MCOLN3: variants seen among roughly 807,000 people sequenced by gnomAD.
MCOLN3 encodes mucolipin TRP cation channel 3, also known as mucolipin-3.
Under a neutral mutation model 69.4 loss-of-function variants are expected in MCOLN3, and 62 were observed. The ratio of observed to expected loss-of-function variants is 0.89; its 90% CI spans 0.73 to 1.10. The LOEUF (loss-of-function observed/expected upper bound fraction) is 1.10. MCOLN3 is among the 50% of genes least tolerant of loss of function. MCOLN3 has a pLI of 0.00. For synonymous variants in MCOLN3, 183 were observed against 217.0 expected, an observed-to-expected ratio of 0.84 and a Z score of 1.38; for missense variants, 564 against 656.4, an observed-to-expected ratio of 0.86 and a Z score of 1.54.
chr1:85,042,857 A>G (rs951771497), intron 2 of MCOLN3, among the ~76,000 whole-genome samples: 2 of 152,234 alleles, frequency 1.3e-5, no homozygotes, highest in Non-Finnish European at 2.9e-5. Flanking sequence ...CATTTGCTCA[A>G]TTACAAAGCT....
chr1:85,045,980 C>CT (rs1653326547), intron 1 of MCOLN3, among the ~76,000 whole-genome samples: 1 of 152,194 alleles, frequency 6.6e-6, no homozygotes, highest in African/African-American at 2.4e-5. Context: ...ATGGGAATAA[C>CT]TACACCTACC....
intron 12 of MCOLN3, among the ~76,000 whole-genome samples, chr1:85,020,332 A>G (rs1651863593): frequency 6.6e-6 from 1 of 152,178 alleles, no homozygotes; most frequent in South Asian, 2.1e-4. Context: ...GGCCAATCAC[A>G]TGGCTTCATG....
chr1:85,023,638 C>G (rs917138528), intron 9 of MCOLN3: 1 of 152,002 alleles, frequency 6.6e-6, no homozygotes, highest in Admixed American at 6.6e-5. Flanking sequence ...GGTGGATATG[C>G]GAATCTGGAG....
In MCOLN3 at chr1:85,045,261, A is replaced by G. The variant is rs1653288352; in HGVS notation, c.100T>C (p.Leu34=). ...QQTSPSEELL[L]EDQMRRKLKF... ...AGTTTTCGCCTCATCTGGTCTTCTA[A>G]TAGAAGCTCCTCAGATGGAGATGTT... The change falls in exon 2 of 13, where the codon TTA becomes CTA. Residue 34 remains leucine (L), a synonymous_variant. Transcript: ENST00000370589. 6.2e-7 allele frequency: 1 copy of G among 1,614,168 alleles called. No homozygotes were observed. Among genetic ancestry groups the G allele is most frequent in the Non-Finnish European group, 8.5e-7 (1 of 1,180,014 alleles).
chr1:85,048,136 C>A (rs1653475564), intron 1 of MCOLN3, among the ~76,000 whole-genome samples: 1 of 152,190 alleles, frequency 6.6e-6, no homozygotes, highest in South Asian at 2.1e-4. Flanking sequence ...GAGCAGAGCA[C>A]CCCCACCCGC....
At position 85,022,170 on chromosome 1, in the gene MCOLN3, G is replaced by A. The variant is rs891076328; in HGVS notation, c.1220C>T (p.Ala407Val). Residue 407 changes from alanine (A) to valine (V), a missense_variant, in exon 11 of 13, where the codon GCA (alanine) becomes GTA (valine). Ala to Val is a moderately conservative substitution (Grantham distance 64). Transcript: ENST00000370589. ...KYNLLILTLQ[A>V]ALPNVIRFCC... ...GAACCTGATGACATTGGGCAGCGCT[G>A]CCTGAAGGGTCAAAATGAGGAGCTG... 7 of 1,613,996 alleles carry A rather than the reference G, an allele frequency of 4.3e-6. No homozygotes were observed. The highest frequency in any genetic ancestry group is 3.3e-5 in the Admixed American group (2 of 59,984).
chr1:85,032,635 A>T (rs17371429), intron 6 of MCOLN3, 61 bp downstream of exon 6: 17,794 of 1,199,888 alleles, frequency 0.015, 278 homozygotes, highest in Middle Eastern at 0.06. Flanking sequence ...GATATGAAAC[A>T]TTACCAGATA....
In MCOLN3 at chr1:85,026,189, C is replaced by G; in HGVS notation, c.928G>C (p.Gly310Arg). 1 of 1,614,056 alleles carries G rather than the reference C, an allele frequency of 6.2e-7. No homozygotes were observed. The highest frequency in any genetic ancestry group is 8.5e-7 in the Non-Finnish European group (1 of 1,179,962). The change falls in exon 8 of 13, where the codon GGA (glycine) becomes CGA (arginine). Residue 310 changes from glycine (G) to arginine (R), a missense_variant. By Grantham distance (125) the Gly-to-Arg change is moderately radical (BLOSUM62 -2). Coordinates refer to ENST00000370589, the MANE Select transcript of MCOLN3 (RefSeq NM_018298.11). Reference protein sequence around the residue: ...LILCIRSVIRGLQLQQEFVNF... With the variant: ...LILCIRSVIRRLQLQQEFVNF... ...TTCCCTACCTGCTGAAGCTGAAGTCCTCTAATCACAGATCTAATGCAGAGG... is the reference window on the plus strand; with the variant it reads ...TTCCCTACCTGCTGAAGCTGAAGTCGTCTAATCACAGATCTAATGCAGAGG...
At chr1:85,021,043 A>G (rs762175773) in intron 12 of MCOLN3, 27 bp downstream of exon 12, 4 of 1,537,688 alleles carry the variant, frequency 2.6e-6, no homozygotes, top group Admixed American at 1.7e-5. Context: ...GGACAATGCT[A>G]CTACTTATGG....
chr1:85,046,240 C>T (rs1029296695), intron 1 of MCOLN3, among the ~76,000 whole-genome samples: 13 of 151,232 alleles, frequency 8.6e-5, no homozygotes, highest in African/African-American at 2.4e-4. Context: ...TGTGGCATCG[C>T]TTGTAATGAC....
At chr1:85,047,765 AAAC>A (rs1187913792) in intron 1 of MCOLN3, among the ~76,000 whole-genome samples, 1 of 152,312 alleles carries the variant, frequency 6.6e-6, no homozygotes, top group Non-Finnish European at 1.5e-5. Flanking sequence ...TCAAACAAAC[AAAC>A]AACAAGGGTT....
chr1:85,046,719 A>G (rs1473573339), intron 1 of MCOLN3, among the ~76,000 whole-genome samples: 1 of 152,234 alleles, frequency 6.6e-6, no homozygotes, highest in Admixed American at 6.5e-5. Flanking sequence ...GGCTATAAAG[A>G]ATAGCATGGG....
At chr1:85,025,774 G>T (rs1652183243) in intron 9 of MCOLN3, 165 bp downstream of exon 9, 2 of 662,506 alleles carry the variant, frequency 3.0e-6, no homozygotes, top group African/African-American at 3.7e-5. Context: ...CTGCCTAAGA[G>T]ACCTCCTGAC....
chr1:85,042,126 A>T (rs537040422), intron 2 of MCOLN3, among the ~76,000 whole-genome samples: 3 of 152,194 alleles, frequency 2.0e-5, no homozygotes, highest in Non-Finnish European at 2.9e-5. Context: ...TGTGCCATAC[A>T]CTATTCCAGG....
chr1:85,025,950 T>C lies in MCOLN3; in HGVS notation c.1084A>G (p.Ile362Val). ...TIIGSILKME[I>V]QAKSLTSYDV... ...AGGAAAAAAATTACCTTAGCTTGGA[T>C]TTCCATTTTTAGAATTGATCCAATG... The change falls in exon 9 of 13, where the codon ATC becomes GTC. Residue 362 changes from isoleucine to valine, a missense_variant. By Grantham distance (29) the Ile-to-Val change is conservative (BLOSUM62 3). Transcript: ENST00000370589. The C allele has an allele frequency of 6.3e-7, 1 of 1,597,486 alleles. No homozygotes were observed. Among genetic ancestry groups the C allele is most frequent in the Non-Finnish European group, 8.5e-7 (1 of 1,171,562 alleles).
At chr1:85,024,182 G>A (rs1404762715) in intron 9 of MCOLN3, among the ~76,000 whole-genome samples, 1 of 151,924 alleles carries the variant, frequency 6.6e-6, no homozygotes, top group African/African-American at 2.4e-5. Context: ...GTGGGGGAGG[G>A]GAGGAGCAGA....
rs886657208 is a variant in MCOLN3 at position 85,020,937 on chromosome 1, A to C, written c.1527+133T>G. On this transcript the variant is annotated intron_variant, in intron 12 of 12. Coordinates refer to ENST00000370589, the MANE Select transcript of MCOLN3 (RefSeq NM_018298.11). ...TAGTTCTATTTATCAATTTCTAAAAATAAGGTCCTTTTTCTCTATCCTGAA... is the reference window on the plus strand; with the variant it reads ...TAGTTCTATTTATCAATTTCTAAAACTAAGGTCCTTTTTCTCTATCCTGAA... 2.3e-5 allele frequency: 14 copies of C among 599,304 alleles called. No individual in the cohort carries two copies. The Admixed American group carries it at 4.5e-4, about 19-fold the overall frequency. The allele number at this position is 599,304 out of a possible 1,614,324, so 37.1% of individuals were successfully genotyped here.
At chr1:85,035,351 G>C in intron 3 of MCOLN3, among the ~76,000 whole-genome samples, 1 of 152,136 alleles carries the variant, frequency 6.6e-6, no homozygotes, top group African/African-American at 2.4e-5. Context: ...TATGCTGACA[G>C]CTTCCAAATT....
At chr1:85,022,432 A>G (rs748850233) in intron 9 of MCOLN3, 32 bp from the exon 10 acceptor site, 2 of 1,442,736 alleles carry the variant, frequency 1.4e-6, no homozygotes, top group Admixed American at 1.9e-5. Flanking sequence ...TAATCAGATT[A>G]TAAAGCAGAA....
Sources: gnomAD v4.1 joint callset for allele counts (sites outside exome capture counted in the v4.1 genomes callset) on GRCh38, gnomAD v4.1.1 for gene constraint, MANE v1.5 for transcripts, NCBI Gene and HGNC (gene_info 2026-07-23, HGNC 2026-07-21) for gene names.